NEK1: variants seen among roughly 807,000 people sequenced by gnomAD.
NEK1 encodes the protein NIMA related kinase 1, also known as serine/threonine-protein kinase Nek1.
Under a neutral mutation model 182.1 loss-of-function variants are expected in NEK1, and 137 were observed. The ratio of observed to expected loss-of-function variants is 0.75; its 90% confidence interval spans 0.65 to 0.87. NEK1 has a LOEUF of 0.87. Among genes scored for constraint, NEK1 ranks in the 40% least tolerant of loss-of-function variants. The probability of loss-of-function intolerance (pLI) is 0.00; values close to 1 mark genes in which losing one functional copy is unlikely to be tolerated. For missense variants in NEK1, 1,391 were observed against 1,494.4 expected (o/e 0.93, Z 1.14); for synonymous variants, 513 against 492.2 (o/e 1.04, Z -0.56).
rs1767348435 is a variant in NEK1, at chr4:169,585,293, T to TG, written c.807+55dup. The TG allele has an allele frequency of 3.8e-6, 5 of 1,322,570 alleles. No homozygotes were observed. In the South Asian group the frequency reaches 6.6e-5, roughly 17 times the overall value. 81.9% of individuals were successfully genotyped at this position (1,322,570 alleles called of 1,614,324 possible). On this transcript the variant is annotated intron_variant, in intron 10 of 35. Transcript: ENST00000507142. The stretch of plus-strand genomic sequence containing the variant: ...GTGTTCTCCTCAACACTGGAGGCCA[T>TG]GTCTTAGCTAAGCAACATAACCCTA...
intron 8 of NEK1, among the ~76,000 whole-genome samples, chr4:169,588,182 T>C (rs1767836074): frequency 6.6e-6 from 1 of 152,136 alleles, no homozygotes; most frequent in African/African-American, 2.4e-5. Context: ...GGATGCTGAT[T>C]CCACCACTTA....
intron 9 of NEK1, among the ~76,000 whole-genome samples, chr4:169,587,161 G>A (rs1767671635): frequency 6.6e-6 from 1 of 151,906 alleles, no homozygotes; most frequent in Non-Finnish European, 1.5e-5. Flanking sequence ...AGTCATCAGT[G>A]AGTATATGGA....
In NEK1 at chr4:169,557,242, T is replaced by A. The variant is rs188404701; in HGVS notation, c.1267-1147A>T. Among the ~76,000 whole-genome samples the A allele has an allele frequency of 8.1e-5, 12 of 148,204 alleles. No individual in the cohort carries two copies. The East Asian group carries it at 2.4e-3, about 30-fold the overall frequency. On this transcript the variant is annotated intron_variant, in intron 16 of 35. Transcript: ENST00000507142. ...ATGAAAAAGTAACTGCTGAAGGAAG[T>A]TTGGATTCTCTGCAGGAATGACAAA...
intron 26 of NEK1, among the ~76,000 whole-genome samples, chr4:169,471,424 A>G (rs918797248): frequency 1.3e-5 from 2 of 152,034 alleles, no homozygotes; most frequent in Admixed American, 6.6e-5. Flanking sequence ...TCCATTCCAG[A>G]CCCTGTTTGC....
intron 19 of NEK1, among the ~76,000 whole-genome samples, chr4:169,531,219 G>C (rs988967198): frequency 6.6e-6 from 1 of 152,122 alleles, no homozygotes; most frequent in Non-Finnish European, 1.5e-5. Flanking sequence ...CAGAGCGGCA[G>C]AGTAAGATGA....
At chr4:169,429,135 C>A (rs1394415743) in intron 29 of NEK1, among the ~76,000 whole-genome samples, 12 of 152,074 alleles carry the variant, frequency 7.9e-5, no homozygotes, top group African/African-American at 2.9e-4. Context: ...TCCACAGAAC[C>A]CACTGTGGGA....
intron 35 of NEK1, among the ~76,000 whole-genome samples, chr4:169,396,394 A>AAAAAAAAAG (rs1561111795): frequency 2.1e-5 from 3 of 142,358 alleles, no homozygotes; most frequent in African/African-American, 5.4e-5. Context: ...AAAAAAAAAA[A>AAAAAAAAAG]AAGAAGAATC....
At chr4:169,472,825 G>A (rs982833332) in intron 26 of NEK1, among the ~76,000 whole-genome samples, 4 of 152,062 alleles carry the variant, frequency 2.6e-5, no homozygotes, top group Non-Finnish European at 4.4e-5. Flanking sequence ...TAAACATGCA[G>A]TACAAATAAG....
chr4:169,401,907 T>C, intron 32 of NEK1, 47 bp from the exon 33 acceptor site: 2 of 1,498,970 alleles, frequency 1.3e-6, no homozygotes, highest in East Asian at 4.6e-5. Context: ...TACTGAAATT[T>C]ACCAAGTTAA....
Position 169,556,183 on chromosome 4 carries a change from T to C in NEK1, c.1267-88A>G, listed in dbSNP as rs144154250. ...TCTCAAAAGAAAAAGTAAATTTCAATGCTTCACTTTTAAAAAGTAATTACT... is the reference window on the plus strand; with the variant it reads ...TCTCAAAAGAAAAAGTAAATTTCAACGCTTCACTTTTAAAAAGTAATTACT... On this transcript the variant is annotated intron_variant, in intron 16 of 35. Transcript: ENST00000507142. 268 of 1,202,656 alleles carry C rather than the reference T, an allele frequency of 2.2e-4. 1 individual carries two copies. The African/African-American group carries it at 3.9e-3, about 17-fold the overall frequency. The allele number at this position is 1,202,656 out of a possible 1,614,324, so 74.5% of individuals were successfully genotyped here.
chr4:169,483,865 C>CA (rs376726833), intron 23 of NEK1, among the ~76,000 whole-genome samples: 83,550 of 116,910 alleles, frequency 0.71, 29,414 homozygotes, highest in East Asian at 0.84. Context: ...GACTCTGTCT[C>CA]AAAAAAAAAA....
At chr4:169,418,954 C>CTGTAT (rs1734999828) in intron 31 of NEK1, among the ~76,000 whole-genome samples, 1 of 152,030 alleles carries the variant, frequency 6.6e-6, no homozygotes, top group Admixed American at 6.5e-5. Context: ...GCATTGGTCC[C>CTGTAT]ATAAGATTAT....
chr4:169,480,548 G>A (rs1329140724), intron 23 of NEK1, among the ~76,000 whole-genome samples: 1 of 147,954 alleles, frequency 6.8e-6, no homozygotes. Context: ...ATTCTTCTGA[G>A]CCTTCAATGA....
intron 32 of NEK1, 128 bp from the exon 33 acceptor site, chr4:169,401,988 T>C (rs1731772625): frequency 1.5e-6 from 1 of 681,416 alleles, no homozygotes; most frequent in Non-Finnish European, 2.3e-6. Flanking sequence ...AAAATCCTAA[T>C]AGTAGATAAC....
intron 10 of NEK1, among the ~76,000 whole-genome samples, 151 bp from the exon 11 acceptor site, chr4:169,581,053 A>G (rs1766562237): frequency 6.7e-6 from 1 of 149,730 alleles, no homozygotes; most frequent in Non-Finnish European, 1.5e-5. Context: ...AAAAAAAAAA[A>G]AAAAAAAAAA....
intron 18 of NEK1, among the ~76,000 whole-genome samples, chr4:169,541,128 G>A (rs1320731967): frequency 6.6e-6 from 1 of 152,074 alleles, no homozygotes; most frequent in Non-Finnish European, 1.5e-5. Context: ...GTGGTATTGG[G>A]CAGAAGAGAT....
rs563173673 is a variant in NEK1, at chr4:169,576,931, T to C, written c.1017A>G (p.Lys339=). 1.4e-5 allele frequency: 23 copies of C among 1,598,844 alleles called. No homozygotes were observed. The African/African-American group carries it at 1.9e-4, about 13-fold the overall frequency. Residue 339 remains lysine, a synonymous_variant, in exon 12 of 36, where the codon AAA becomes AAG. Coordinates refer to ENST00000507142, the MANE Select transcript of NEK1 (RefSeq NM_001199397.3). ...LHEKKPLQKH[K]QAHQTPEKRV... ...ATGGTATGTAACATGATCATACCTGTTTATGTTTTTGCAGTGGTTTCTTTT... is the reference window on the plus strand; with the variant it reads ...ATGGTATGTAACATGATCATACCTGCTTATGTTTTTGCAGTGGTTTCTTTT...
intron 31 of NEK1, among the ~76,000 whole-genome samples, chr4:169,416,619 T>C (rs1287136210): frequency 6.6e-6 from 1 of 152,212 alleles, no homozygotes; most frequent in Admixed American, 6.5e-5. Flanking sequence ...ATTAAGCACA[T>C]GTGGCTGGGC....
At chr4:169,576,090 G>C (rs1373189701) in intron 12 of NEK1, among the ~76,000 whole-genome samples, 1 of 151,638 alleles carries the variant, frequency 6.6e-6, no homozygotes, top group Non-Finnish European at 1.5e-5. Flanking sequence ...TCAGACTCCT[G>C]AGTAGCTGGG....
Sources: allele counts gnomAD v4.1 joint callset (sites outside exome capture counted in the v4.1 genomes callset), GRCh38; gene constraint gnomAD v4.1.1; transcripts MANE v1.5; gene names NCBI Gene and HGNC (gene_info 2026-07-23, HGNC 2026-07-21).